CTNNA3: variants seen among roughly 807,000 people sequenced by gnomAD.
CTNNA3 encodes catenin alpha 3.
CTNNA3 carries 76 observed loss-of-function variants against 95.7 expected under a neutral mutation model. The observed-to-expected ratio is 0.79, with a 90% CI of 0.66 to 0.96. The LOEUF (loss-of-function observed/expected upper bound fraction) is 0.96. Among genes scored for constraint, CTNNA3 ranks in the 40% least tolerant of loss-of-function variants. The pLI is 0.00. For missense variants in CTNNA3, 1,191 were observed against 1,089.8 expected (o/e 1.09, Z -1.31); for synonymous variants, 431 against 374.4 (o/e 1.15, Z -1.74).
intron 11 of CTNNA3, among the ~76,000 whole-genome samples, chr10:66,388,093 G>A (rs188674046): frequency 7.5e-4 from 114 of 151,978 alleles, no homozygotes; most frequent in Admixed American, 1.3e-3. Context: ...TTAAAGTATA[G>A]TAGTAAAAGA....
intron 7 of CTNNA3, among the ~76,000 whole-genome samples, chr10:67,069,095 A>G (rs886456673): frequency 1.3e-5 from 2 of 152,028 alleles, no homozygotes; most frequent in African/African-American, 4.8e-5. Flanking sequence ...AAACAGAAAA[A>G]GAAAAAGAAG....
chr10:67,006,789 A>T (rs1187145083), intron 7 of CTNNA3, among the ~76,000 whole-genome samples: 1 of 130,746 alleles, frequency 7.6e-6, no homozygotes, highest in Admixed American at 7.9e-5. Flanking sequence ...TCAAAATTAC[A>T]GTCTTAAATT....
At chr10:67,598,517 T>C (rs1842990654) in intron 3 of CTNNA3, among the ~76,000 whole-genome samples, 1 of 152,066 alleles carries the variant, frequency 6.6e-6, no homozygotes, top group African/African-American at 2.4e-5. Flanking sequence ...CAGAATGTGC[T>C]GATTTTGACG....
intron 7 of CTNNA3, among the ~76,000 whole-genome samples, chr10:67,030,779 G>A (rs1291548772): frequency 6.6e-6 from 1 of 152,144 alleles, no homozygotes; most frequent in Non-Finnish European, 1.5e-5. Context: ...GCCGAGGTGG[G>A]CAGATCACGA....
chr10:66,296,903 A>C (rs1227577233), intron 12 of CTNNA3, among the ~76,000 whole-genome samples: 1 of 152,214 alleles, frequency 6.6e-6, no homozygotes, highest in Non-Finnish European at 1.5e-5. Context: ...TGCTAAATAC[A>C]AAGCAGATAA....
chr10:66,458,054 C>G lies in CTNNA3; in HGVS notation c.1531+62563G>C, dbSNP rs1197893661. 3.9e-5 allele frequency among the ~76,000 whole-genome samples: 6 copies of G among 152,138 alleles called. No homozygotes were observed. In the East Asian group the frequency reaches 1.2e-3, roughly 29 times the overall value. On this transcript the variant is annotated intron_variant, in intron 11 of 17. Transcript: ENST00000433211. ...TGTAGTTAAGCCTTGGCCAAATAGCCTCTCTAGAGACATGCAGGGAAGATG... is the reference window on the plus strand; with the variant it reads ...TGTAGTTAAGCCTTGGCCAAATAGCGTCTCTAGAGACATGCAGGGAAGATG...
intron 12 of CTNNA3, among the ~76,000 whole-genome samples, chr10:66,305,135 C>T (rs527761546): frequency 1.3e-5 from 2 of 152,208 alleles, no homozygotes; most frequent in South Asian, 4.2e-4. Context: ...ATTTCTCTTG[C>T]TTCCACCCAA....
At chr10:66,245,911 C>CT (rs2090300632) in intron 13 of CTNNA3, among the ~76,000 whole-genome samples, 1 of 152,226 alleles carries the variant, frequency 6.6e-6, no homozygotes, top group African/African-American at 2.4e-5. Flanking sequence ...CTGGCTGAGA[C>CT]TTTGGCTTTT....
chr10:67,515,084 A>C (rs1839770441), intron 5 of CTNNA3, among the ~76,000 whole-genome samples: 1 of 152,174 alleles, frequency 6.6e-6, no homozygotes, highest in African/African-American at 2.4e-5. Flanking sequence ...TAACTATCCA[A>C]TGTGGAAATC....
intron 7 of CTNNA3, among the ~76,000 whole-genome samples, chr10:66,960,640 T>C (rs1849057861): frequency 6.6e-6 from 1 of 152,206 alleles, no homozygotes; most frequent in African/African-American, 2.4e-5. Flanking sequence ...ATTCCATCTT[T>C]GACATTCTGA....
intron 7 of CTNNA3, among the ~76,000 whole-genome samples, chr10:67,060,754 T>C (rs1855711271): frequency 6.6e-6 from 1 of 152,216 alleles, no homozygotes; most frequent in Non-Finnish European, 1.5e-5. Flanking sequence ...GTGGTGCCTC[T>C]GTCAGCCTAG....
intron 15 of CTNNA3, among the ~76,000 whole-genome samples, chr10:65,995,741 C>T (rs1339990091): frequency 2.0e-5 from 3 of 152,194 alleles, no homozygotes; most frequent in Admixed American, 1.3e-4. Flanking sequence ...ACCCCATGGG[C>T]TCACAGATAA....
At chr10:67,193,396 T>C (rs183444677) in intron 6 of CTNNA3, among the ~76,000 whole-genome samples, 16 of 152,142 alleles carry the variant, frequency 1.1e-4, no homozygotes, top group Admixed American at 4.6e-4. Flanking sequence ...AGGTTTGTTA[T>C]ATAGGTAAAC....
At chr10:66,581,024 T>C (rs1044487410) in intron 10 of CTNNA3, among the ~76,000 whole-genome samples, 1 of 151,742 alleles carries the variant, frequency 6.6e-6, no homozygotes, top group African/African-American at 2.4e-5. Context: ...CTGAGTTACT[T>C]CACTTAGAAT....
intron 7 of CTNNA3, among the ~76,000 whole-genome samples, chr10:66,922,046 C>A (rs1225081536): frequency 1.3e-5 from 2 of 152,100 alleles, no homozygotes; most frequent in South Asian, 2.1e-4. Context: ...GGCAGTATTG[C>A]CAAACTGAGA....
chr10:66,804,903 T>A (rs1204440630), intron 7 of CTNNA3, among the ~76,000 whole-genome samples: 1 of 152,066 alleles, frequency 6.6e-6, no homozygotes, highest in African/African-American at 2.4e-5. Flanking sequence ...GTTTCTATAT[T>A]GATACAAAAT....
At chr10:66,963,806 T>A (rs1849252180) in intron 7 of CTNNA3, among the ~76,000 whole-genome samples, 1 of 151,822 alleles carries the variant, frequency 6.6e-6, no homozygotes, top group Admixed American at 6.6e-5. Flanking sequence ...TGTTGCCCCA[T>A]TCTCAAGGAT....
At chr10:67,438,234 T>C (rs1044614176) in intron 5 of CTNNA3, among the ~76,000 whole-genome samples, 1 of 152,064 alleles carries the variant, frequency 6.6e-6, no homozygotes, top group African/African-American at 2.4e-5. Flanking sequence ...AAAAATTGTA[T>C]GTCAACATAC....
intron 7 of CTNNA3, among the ~76,000 whole-genome samples, chr10:67,016,191 C>A (rs117323380): frequency 6.6e-6 from 1 of 152,084 alleles, no homozygotes; most frequent in Non-Finnish European, 1.5e-5. Context: ...CCTTTCTGAT[C>A]GCTACTCCTC....
Sources: gnomAD v4.1 joint callset for allele counts (sites outside exome capture counted in the v4.1 genomes callset) on GRCh38, gnomAD v4.1.1 for gene constraint, MANE v1.5 for transcripts, NCBI Gene and HGNC (gene_info 2026-07-23, HGNC 2026-07-21) for gene names.